Variants in GPR176 observed in about 807,000 individuals in gnomAD.
The protein encoded by GPR176 is G-protein coupled receptor 176.
Under a neutral mutation model 35.4 loss-of-function variants are expected in GPR176, and 26 were observed. The observed-to-expected ratio is 0.74, with a 90% CI of 0.54 to 1.02. The LOEUF (loss-of-function observed/expected upper bound fraction) is 1.02. Among genes scored for constraint, GPR176 ranks in the 50% least tolerant of loss-of-function variants. The probability of loss-of-function intolerance (pLI) is 0.00; values close to 1 mark genes in which losing one functional copy is unlikely to be tolerated. For missense variants in GPR176, 597 were observed against 665.3 expected (o/e 0.90, Z 1.13); for synonymous variants, 278 against 271.3 (o/e 1.02, Z -0.24).
chr15:39,826,894 C>A (rs894378364), intron 1 of GPR176, among the ~76,000 whole-genome samples: 1 of 152,006 alleles, frequency 6.6e-6, no homozygotes, highest in African/African-American at 2.4e-5. Flanking sequence ...CACTGCTTGG[C>A]AGAATAACAA....
At chr15:39,858,643 G>A (rs2031401201) in intron 1 of GPR176, among the ~76,000 whole-genome samples, 1 of 152,202 alleles carries the variant, frequency 6.6e-6, no homozygotes. Context: ...GGCCCAGGAA[G>A]TCAAGGCTGC....
Position 39,801,736 on chromosome 15 carries a change from G to A in GPR176, c.944C>T (p.Ala315Val). The A allele has an allele frequency of 6.2e-7, 1 of 1,613,790 alleles. No individual in the cohort carries two copies. The highest frequency in any genetic ancestry group is 1.6e-4 in the Middle Eastern group (1 of 6,062). ...AVWLPKVSLL[A>V]NPVLFLTVNK... ...CACAGTAAGAAAGAGAACAGGGTTT[G>A]CCAGCAGGGAGACTTTGGGCAGCCA... Residue 315 changes from alanine to valine, a missense_variant, in exon 3 of 3, where the codon GCA becomes GTA. This residue lies in a region of GPR176 where 251 missense variants were observed against 255.4 expected (regional missense o/e 0.98). Transcript: ENST00000561100.
rs1157778038 is a variant in GPR176, at chr15:39,855,379, T to C, written c.173-48121A>G. ...AGGCATGAGGAATTCAAATAAGCCC[T>C]GGTCCTATTTCTCGTCAATTCACAG... On this transcript the variant is annotated intron_variant, in intron 1 of 2. Transcript: ENST00000561100. 2.0e-5 allele frequency among the ~76,000 whole-genome samples: 3 copies of C among 152,218 alleles called. No individual in the cohort carries two copies. In the East Asian group the frequency reaches 5.8e-4, roughly 29 times the overall value.
intron 1 of GPR176, among the ~76,000 whole-genome samples, chr15:39,859,652 C>G (rs34208826): frequency 0.037 from 5,675 of 152,244 alleles, 153 homozygotes; most frequent in Middle Eastern, 0.075. Context: ...TATGATCTAG[C>G]AATCCCACAA....
intron 1 of GPR176, among the ~76,000 whole-genome samples, chr15:39,875,364 T>A (rs914312426): frequency 6.6e-6 from 1 of 152,156 alleles, no homozygotes; most frequent in Non-Finnish European, 1.5e-5. Context: ...TACAAAGAAA[T>A]AATTTGTTTG....
intron 1 of GPR176, among the ~76,000 whole-genome samples, chr15:39,914,345 A>T (rs1275391853): frequency 8.3e-6 from 1 of 120,100 alleles, no homozygotes; most frequent in Non-Finnish European, 1.6e-5. Flanking sequence ...AAGGAGTCTC[A>T]CTCTGTCACC....
At chr15:39,902,924 C>T (rs917126387) in intron 1 of GPR176, among the ~76,000 whole-genome samples, 2 of 152,230 alleles carry the variant, frequency 1.3e-5, no homozygotes, top group Non-Finnish European at 2.9e-5. Context: ...TAATACAAGG[C>T]ACTCTCTCAA....
intron 1 of GPR176, among the ~76,000 whole-genome samples, chr15:39,870,744 C>T (rs1212539848): frequency 6.6e-6 from 1 of 152,052 alleles, no homozygotes; most frequent in Non-Finnish European, 1.5e-5. Flanking sequence ...CTGTCAGAGC[C>T]CACTGACTGA....
chr15:39,910,814 G>C (rs1489308164), intron 1 of GPR176, among the ~76,000 whole-genome samples: 2 of 152,070 alleles, frequency 1.3e-5, no homozygotes, highest in Non-Finnish European at 2.9e-5. Context: ...AAGGCAGACG[G>C]ATCACCTAAG....
intron 1 of GPR176, among the ~76,000 whole-genome samples, chr15:39,854,284 C>G (rs1449714873): frequency 1.3e-5 from 2 of 152,120 alleles, no homozygotes; most frequent in Non-Finnish European, 2.9e-5. Context: ...TCTTCTCATT[C>G]CAGTGTCTCT....
rs1901677868 is a variant in GPR176 at position 39,840,526 on chromosome 15, A to C, written c.173-33268T>G. On this transcript the variant is annotated intron_variant, in intron 1 of 2. Transcript: ENST00000561100. ...AGGGATAGCATTAGGAGATATACCT[A>C]ATGTAAATGACGAGTTAATGGGTGC... Among the ~76,000 whole-genome samples, 5 of 152,176 alleles carry C rather than the reference A, an allele frequency of 3.3e-5. No individual in the cohort carries two copies. The South Asian group carries it at 1.0e-3, about 32-fold the overall frequency.
chr15:39,896,281 A>C (rs2033110807), intron 1 of GPR176, among the ~76,000 whole-genome samples: 1 of 152,192 alleles, frequency 6.6e-6, no homozygotes, highest in Non-Finnish European at 1.5e-5. Flanking sequence ...CAGGTCTCAC[A>C]AAGTTTCCTA....
intron 1 of GPR176, among the ~76,000 whole-genome samples, chr15:39,915,082 G>C (rs77142914): frequency 6.6e-6 from 1 of 152,174 alleles, no homozygotes. Flanking sequence ...ATCTTTACTT[G>C]GGGTCATCAA....
intron 1 of GPR176, among the ~76,000 whole-genome samples, chr15:39,895,590 G>A (rs950778664): frequency 6.6e-6 from 1 of 151,884 alleles, no homozygotes; most frequent in African/African-American, 2.4e-5. Context: ...TTCAAAAAGA[G>A]AACATTAGGC....
intron 2 of GPR176, among the ~76,000 whole-genome samples, chr15:39,804,948 G>T (rs1566934397): frequency 6.6e-6 from 1 of 152,208 alleles, no homozygotes; most frequent in South Asian, 2.1e-4. Flanking sequence ...GGCACAAGGA[G>T]TGACTGTAAG....
chr15:39,892,934 T>C (rs1196818741), intron 1 of GPR176, among the ~76,000 whole-genome samples: 1 of 152,230 alleles, frequency 6.6e-6, no homozygotes, highest in Non-Finnish European at 1.5e-5. Context: ...GTAGAATAGG[T>C]AGAAATGAGA....
chr15:39,863,475 C>T (rs2031697093), intron 1 of GPR176, among the ~76,000 whole-genome samples: 1 of 151,828 alleles, frequency 6.6e-6, no homozygotes, highest in Non-Finnish European at 1.5e-5. Context: ...AATCCAAAAG[C>T]TTTAAAGCAT....
At chr15:39,832,124 C>A (rs542739988) in intron 1 of GPR176, among the ~76,000 whole-genome samples, 27 of 152,148 alleles carry the variant, frequency 1.8e-4, no homozygotes, top group Middle Eastern at 6.8e-3. Context: ...AGAAGCTCAG[C>A]ATCATTAGCC....
In GPR176 at chr15:39,909,272, A is replaced by C. The variant is rs576981594; in HGVS notation, c.172+10583T>G. On this transcript the variant is annotated intron_variant, in intron 1 of 2. Coordinates refer to ENST00000561100, the MANE Select transcript of GPR176 (RefSeq NM_007223.3). ...TGGATGCCTCTGGTTCTTCTGGACC[A>C]GCTGTGTCCTAGGGTTATGTGACTA... 4.6e-5 allele frequency among the ~76,000 whole-genome samples: 7 copies of C among 152,188 alleles called. 1 individual carries two copies. The highest frequency in any genetic ancestry group is 1.0e-4 in the Non-Finnish European group (7 of 68,024).
Sources: gnomAD v4.1 joint callset for allele counts (sites outside exome capture counted in the v4.1 genomes callset) on GRCh38, gnomAD v4.1.1 for gene constraint, gnomAD v4.1.1 regional missense constraint, MANE v1.5 for transcripts, NCBI Gene and HGNC (gene_info 2026-07-23, HGNC 2026-07-21) for gene names.